The following GPRIN2 variants were observed in gnomAD, a reference collection of about 807,000 sequenced individuals.
GPRIN2 encodes G protein-regulated inducer of neurite outgrowth 2.
Under a neutral mutation model 0.3 loss-of-function variants are expected in GPRIN2, and 1 was observed. That is an observed-to-expected ratio of 3.90 (90% CI 1.39 to 18.51). GPRIN2 has a LOEUF of 18.51. Among genes scored for constraint, GPRIN2 ranks in the 30% most tolerant of loss-of-function variants. The pLI is 0.11. For synonymous variants in GPRIN2, 361 were observed against 258.6 expected, an observed-to-expected ratio of 1.40 and a Z score of -3.80; for missense variants, 880 against 604.2, an observed-to-expected ratio of 1.46 and a Z score of -4.79.
In GPRIN2 at chr10:46,543,687, T is replaced by C. The variant is rs1289805971; in HGVS notation, c.*5673A>G. Among the ~76,000 whole-genome samples the C allele has an allele frequency of 3.9e-5, 6 of 152,306 alleles. No homozygotes were observed. The highest frequency in any genetic ancestry group is 1.9e-4 in the East Asian group (1 of 5,208). On this transcript the variant is annotated 3_prime_UTR_variant, in exon 3 of 3. Coordinates refer to ENST00000374314, the MANE Select transcript of GPRIN2 (RefSeq NM_001385282.1). ...CCCTGCCCTGAGCCCCAGATGTCAA[T>C]GGACATATTCCCACAATTTTCACAT...
At chr10:46,551,162 G>A (rs1832210051) in intron 2 of GPRIN2, among the ~76,000 whole-genome samples, 7 of 152,304 alleles carry the variant, frequency 4.6e-5, no homozygotes, top group East Asian at 3.8e-4. Context: ...CAACCAGCAC[G>A]GAAGCACTAT....
chr10:46,551,858 G>C (rs1348552365), intron 2 of GPRIN2, among the ~76,000 whole-genome samples: 8 of 152,310 alleles, frequency 5.3e-5, no homozygotes, highest in Admixed American at 2.6e-4. Context: ...CATTGGGCCT[G>C]CATGGAACAG....
chr10:46,555,191 C>T (rs1831932170), intron 1 of GPRIN2, among the ~76,000 whole-genome samples: 2 of 152,428 alleles, frequency 1.3e-5, no homozygotes, highest in South Asian at 4.1e-4. Flanking sequence ...AGGTGATCCA[C>T]CTGCCTCGGC....
chr10:46,541,807 T>C lies in GPRIN2; in HGVS notation c.*7553A>G, dbSNP rs1841785513. Among the ~76,000 whole-genome samples, 1 of 152,304 alleles carries C rather than the reference T, an allele frequency of 6.6e-6. No individual in the cohort carries two copies. Among genetic ancestry groups the C allele is most frequent in the African/African-American group, 2.4e-5 (1 of 41,488 alleles). Reference sequence around the variant, plus strand: ...TTTAAAATAAAAACTAATGAAAAAATGATAAAATATCAAAAATTTCAATAA... The same window carrying C: ...TTTAAAATAAAAACTAATGAAAAAACGATAAAATATCAAAAATTTCAATAA... On this transcript the variant is annotated 3_prime_UTR_variant, in exon 3 of 3. Coordinates refer to ENST00000374314, the MANE Select transcript of GPRIN2 (RefSeq NM_001385282.1).
chr10:46,550,509 C>A lies in GPRIN2; in HGVS notation c.228G>T (p.Arg76=). The A allele has an allele frequency of 1.9e-6, 3 of 1,605,374 alleles. No homozygotes were observed. The highest frequency in any genetic ancestry group is 2.6e-6 in the Non-Finnish European group (3 of 1,175,054). Residue 76 remains arginine, a synonymous_variant, in exon 3 of 3, where the codon CGG becomes CGT. Transcript: ENST00000374314. ...GNPPESMKPA[R]ASGPKARPSA... ...TGGGTCGCGCCTTGGGGCCAGAGGC[C>A]CGTGCTGGCTTCATGCTCTCAGGCG...
Position 46,544,803 on chromosome 10 carries a change from G to A in GPRIN2, c.*4557C>T, listed in dbSNP as rs910103811. ...GCCATGGGAAAAAGGGGTGTGTGCT[G>A]TTGGTGTGAGAGATCTGGATCTTAA... On this transcript the variant is annotated 3_prime_UTR_variant, in exon 3 of 3. Transcript: ENST00000374314. Among the ~76,000 whole-genome samples the A allele has an allele frequency of 1.3e-5, 2 of 152,308 alleles. No individual in the cohort carries two copies. Among genetic ancestry groups the A allele is most frequent in the African/African-American group, 4.8e-5 (2 of 41,486 alleles).
chr10:46,550,857 C>G, intron 2 of GPRIN2, 115 bp from the exon 3 acceptor site: 1 of 1,208,152 alleles, frequency 8.3e-7, no homozygotes, highest in Non-Finnish European at 1.1e-6. Context: ...TCAGTCCCAG[C>G]CTGCCTGACT....
rs782099408 is a variant in GPRIN2 at position 46,549,491 on chromosome 10, C to T, written c.1246G>A (p.Glu416Lys). 2 of 1,612,798 alleles carry T rather than the reference C, an allele frequency of 1.2e-6. No homozygotes were observed. The highest frequency in any genetic ancestry group is 8.5e-7 in the Non-Finnish European group (1 of 1,179,314). ...CTGGCGGGCGCCCGCTGCAGCTGCTCAAACTGCATCTCCAGGTGCTTCTGG... is the reference window on the plus strand; with the variant it reads ...CTGGCGGGCGCCCGCTGCAGCTGCTTAAACTGCATCTCCAGGTGCTTCTGG... ...AIQKHLEMQF[E>K]QLQRAPASED... Residue 416 changes from glutamate to lysine, a missense_variant, in exon 3 of 3, where the codon GAG becomes AAG. Transcript: ENST00000374314.
chr10:46,552,199 CG>C (rs1249835953), intron 2 of GPRIN2, among the ~76,000 whole-genome samples: 2 of 152,424 alleles, frequency 1.3e-5, no homozygotes, highest in Admixed American at 1.3e-4. Context: ...AGGTGGAGAG[CG>C]GAGTGGGCAG....
At chr10:46,557,083 C>CG (rs1843336308), upstream of GPRIN2, among the ~76,000 whole-genome samples, 1 of 151,794 alleles carries the variant, frequency 6.6e-6, no homozygotes, top group African/African-American at 2.4e-5. Context: ...GTCTCCGCGC[C>CG]GGCGGCTACC....
In GPRIN2 at chr10:46,548,590, C is replaced by T. The variant is rs1236531540; in HGVS notation, c.*770G>A. On this transcript the variant is annotated 3_prime_UTR_variant, in exon 3 of 3. Coordinates refer to ENST00000374314, the MANE Select transcript of GPRIN2 (RefSeq NM_001385282.1). ...ATGGTCAGCATCCTCCCCTGCCATC[C>T]CCAACCCACACCATGAGCTCAGCCA... 6.6e-6 allele frequency among the ~76,000 whole-genome samples: 1 copy of T among 152,308 alleles called. No individual in the cohort carries two copies. The highest frequency in any genetic ancestry group is 6.5e-5 in the Admixed American group (1 of 15,292).
At position 46,546,743 on chromosome 10, in the gene GPRIN2, G is replaced by A. The variant is rs1385646186; in HGVS notation, c.*2617C>T. 2.0e-5 allele frequency among the ~76,000 whole-genome samples: 3 copies of A among 152,428 alleles called. No individual in the cohort carries two copies. The East Asian group carries it at 5.8e-4, about 29-fold the overall frequency. On this transcript the variant is annotated 3_prime_UTR_variant, in exon 3 of 3. Coordinates refer to ENST00000374314, the MANE Select transcript of GPRIN2 (RefSeq NM_001385282.1). The stretch of plus-strand genomic sequence containing the variant: ...TCCAGTTCCAATCAGAAATGAGGCT[G>A]CAGTCACTTCAGGTAGACCTGTCAG...
chr10:46,555,576 C>G (rs966919683), intron 1 of GPRIN2: 1 of 153,506 alleles, frequency 6.5e-6, no homozygotes, highest in Admixed American at 6.5e-5. Context: ...TCACAATGAA[C>G]GTGCCTTAAG....
rs1832279135 is a variant in GPRIN2, at chr10:46,550,688, G to T, written c.49C>A (p.Arg17Ser). ...GAGCTCTGGGACAGGGGCTGAAGGC[G>T]GGGGCTCAGGGGTGCCCAGGGACCC... ...EPGPWAPLSP[R>S]LQPLSQSSSS... The change falls in exon 3 of 3, where the codon CGC (arginine) becomes AGC (serine). Residue 17 changes from arginine (R) to serine (S), a missense_variant. Arg to Ser is a moderately radical substitution (Grantham distance 110). Coordinates refer to ENST00000374314, the MANE Select transcript of GPRIN2 (RefSeq NM_001385282.1). 41 of 1,510,916 alleles carry T rather than the reference G, an allele frequency of 2.7e-5. No homozygotes were observed. Among genetic ancestry groups the T allele is most frequent in the Non-Finnish European group, 3.5e-5 (40 of 1,132,016 alleles). 93.6% of individuals were successfully genotyped at this position (1,510,916 alleles called of 1,614,324 possible).
Position 46,549,599 on chromosome 10 carries a change from G to T in GPRIN2, c.1138C>A (p.Arg380=), listed in dbSNP as rs529261744. The change falls in exon 3 of 3, where the codon CGG becomes AGG. Residue 380 remains arginine (R), a synonymous_variant. Coordinates refer to ENST00000374314, the MANE Select transcript of GPRIN2 (RefSeq NM_001385282.1). Reference sequence around the variant, plus strand: ...CCCTCAGCATCCCATCGCACATCCCGCACAGGGGACGGCACCTCCTCCAGG... The same window carrying T: ...CCCTCAGCATCCCATCGCACATCCCTCACAGGGGACGGCACCTCCTCCAGG... ...SSLEEVPSPV[R]DVRWDAEGMT... is the part of the protein sequence containing the mutation. The T allele has an allele frequency of 1.9e-6, 3 of 1,614,134 alleles. No homozygotes were observed. Among genetic ancestry groups the T allele is most frequent in the African/African-American group, 2.7e-5 (2 of 74,964 alleles).
Position 46,556,504 on chromosome 10 carries a change from G to T in GPRIN2, c.-124C>A, listed in dbSNP as rs1322156616. Among the ~76,000 whole-genome samples the T allele has an allele frequency of 6.6e-6, 1 of 152,208 alleles. No individual in the cohort carries two copies. Among genetic ancestry groups the T allele is most frequent in the Non-Finnish European group, 1.5e-5 (1 of 68,034 alleles). On this transcript the variant is annotated 5_prime_UTR_variant, in exon 1 of 3. Transcript: ENST00000374314. ...CGCGGAGCCAGCCTCTCACCCTCTCGCCCGCCGGGGCCGCGCAGGCGGGGG... is the reference window on the plus strand; with the variant it reads ...CGCGGAGCCAGCCTCTCACCCTCTCTCCCGCCGGGGCCGCGCAGGCGGGGG...
chr10:46,551,271 G>A, intron 2 of GPRIN2: 1 of 452,158 alleles, frequency 2.2e-6, no homozygotes, highest in Non-Finnish European at 2.9e-6. Flanking sequence ...CCTTGGTACA[G>A]AGTGGGAGCT....
intron 2 of GPRIN2, among the ~76,000 whole-genome samples, chr10:46,553,362 T>C (rs1588974050): frequency 6.6e-6 from 1 of 152,418 alleles, no homozygotes; most frequent in African/African-American, 2.4e-5. Context: ...GGGCAGGAGG[T>C]GTTCCTCCTG....
rs1832525000 is a variant in GPRIN2, at chr10:46,549,993, A to G, written c.744T>C (p.His248=). Residue 248 remains histidine (H), a synonymous_variant, in exon 3 of 3, where the codon CAT becomes CAC. Transcript: ENST00000374314. ...CCAGGATCCCTGTGGCAGGTAGGGC[A>G]TGGCAGCAGCCACCAGCCCTCACCT... The part of the protein sequence containing the change: ...MREVRAGGCC[H]ALPATGILAF... The G allele has an allele frequency of 3.9e-5, 63 of 1,613,308 alleles. No homozygotes were observed. Among genetic ancestry groups the G allele is most frequent in the Non-Finnish European group, 5.2e-5 (61 of 1,179,570 alleles).
Sources: gnomAD v4.1 joint callset for allele counts (sites outside exome capture counted in the v4.1 genomes callset) on GRCh38, gnomAD v4.1.1 for gene constraint, MANE v1.5 for transcripts, NCBI Gene and HGNC (gene_info 2026-07-23, HGNC 2026-07-21) for gene names.